The following FBXL14 variants were observed in gnomAD, a reference collection of about 807,000 sequenced individuals.
FBXL14 encodes the protein F-box and leucine rich repeat protein 14.
A neutral mutation model predicts 24.5 loss-of-function variants in FBXL14; 11 were observed. That is an observed-to-expected ratio of 0.45 (90% CI 0.28 to 0.74). The LOEUF is 0.74. Ranked by LOEUF, FBXL14 falls within the 30% of genes least tolerant of loss-of-function variation. FBXL14 has a pLI of 0.12. For missense variants in FBXL14, 384 were observed against 545.6 expected (o/e 0.70, Z 2.95); for synonymous variants, 294 against 240.4 (o/e 1.22, Z -2.06).
At chr12:1,589,272 G>A (rs528569079) in intron 1 of FBXL14, among the ~76,000 whole-genome samples, 99 of 150,512 alleles carry the variant, frequency 6.6e-4, no homozygotes, top group Admixed American at 1.1e-3. Context: ...GGTGGTGTGC[G>A]CCTGTAGTCT....
intron 1 of FBXL14, among the ~76,000 whole-genome samples, chr12:1,573,482 G>A (rs1366146477): frequency 3.9e-5 from 6 of 152,152 alleles, no homozygotes; most frequent in African/African-American, 9.7e-5. Flanking sequence ...AGCCACGCAC[G>A]ACTAGGGGGT....
Position 1,566,634 on chromosome 12 carries a change from C to G in FBXL14, c.*114G>C. Reference sequence around the variant, plus strand: ...GAAGCCCTGGGCAGCAGCCTCTGCCCGAGCAGTGACAGGCAGGGAAACCTG... The same window carrying G: ...GAAGCCCTGGGCAGCAGCCTCTGCCGGAGCAGTGACAGGCAGGGAAACCTG... On this transcript the variant is annotated 3_prime_UTR_variant, in exon 2 of 2. Transcript: ENST00000339235. The G allele has an allele frequency of 1.4e-6, 1 of 730,430 alleles. No individual in the cohort carries two copies. Among genetic ancestry groups the G allele is most frequent in the Admixed American group, 1.9e-5 (1 of 53,750 alleles). The allele number at this position is 730,430 out of a possible 1,614,324, so 45.2% of individuals were successfully genotyped here.
chr12:1,591,568 A>C (rs920317265), intron 1 of FBXL14, among the ~76,000 whole-genome samples: 5 of 152,192 alleles, frequency 3.3e-5, no homozygotes, highest in African/African-American at 1.2e-4. Context: ...TAACAACAAA[A>C]ATCCAACGAA....
chr12:1,582,346 T>C (rs2094468345), intron 1 of FBXL14, among the ~76,000 whole-genome samples: 2 of 152,242 alleles, frequency 1.3e-5, no homozygotes, highest in South Asian at 4.1e-4. Flanking sequence ...GGAGCAGCTT[T>C]AGGAACTGCT....
chr12:1,594,080 C>T lies in FBXL14; in HGVS notation c.-14G>A, dbSNP rs111814721. On this transcript the variant is annotated 5_prime_UTR_variant, in exon 1 of 2. Transcript: ENST00000339235. The stretch of plus-strand genomic sequence containing the variant: ...GTGGGTCTCCATCTTCCTCCTCCCC[C>T]CTCCGCGGCGCTGGGGGGAGGAGGC... 1.1e-4 allele frequency: 153 copies of T among 1,430,648 alleles called. 1 individual carries two copies. In the South Asian group the frequency reaches 1.6e-3, roughly 15 times the overall value. The allele number at this position is 1,430,648 out of a possible 1,614,324, so 88.6% of individuals were successfully genotyped here.
intron 1 of FBXL14, among the ~76,000 whole-genome samples, chr12:1,576,515 C>T (rs538531462): frequency 2.1e-4 from 32 of 152,160 alleles, no homozygotes; most frequent in African/African-American, 6.5e-4. Context: ...CCTCAGTTCC[C>T]GCTCCTTATC....
At chr12:1,591,649 C>T (rs1420767208) in intron 1 of FBXL14, among the ~76,000 whole-genome samples, 1 of 152,154 alleles carries the variant, frequency 6.6e-6, no homozygotes, top group African/African-American at 2.4e-5. Context: ...GAAAGAAAGT[C>T]ATCTATTCCT....
chr12:1,573,135 A>G (rs1388193413), intron 1 of FBXL14, among the ~76,000 whole-genome samples: 4 of 152,118 alleles, frequency 2.6e-5, no homozygotes, highest in Non-Finnish European at 5.9e-5. Flanking sequence ...GTCTGGGCTG[A>G]ATATTTGAGG....
chr12:1,592,413 G>A (rs2094492585), intron 1 of FBXL14, among the ~76,000 whole-genome samples: 2 of 151,960 alleles, frequency 1.3e-5, no homozygotes, highest in Non-Finnish European at 2.9e-5. Context: ...TTTGTAGCTG[G>A]GTTTGCTTTT....
intron 1 of FBXL14, among the ~76,000 whole-genome samples, chr12:1,581,895 C>T (rs1592471765): frequency 6.6e-6 from 1 of 152,126 alleles, no homozygotes. Context: ...GAGGCTGAGG[C>T]GGGTAGATCA....
intron 1 of FBXL14, among the ~76,000 whole-genome samples, chr12:1,588,360 A>G (rs1044368444): frequency 6.6e-6 from 1 of 152,198 alleles, no homozygotes; most frequent in African/African-American, 2.4e-5. Context: ...TTTACATATC[A>G]TATGTCCTTA....
At chr12:1,578,638 CTAAAA>C (rs1224088908) in intron 1 of FBXL14, among the ~76,000 whole-genome samples, 1 of 151,932 alleles carries the variant, frequency 6.6e-6, no homozygotes, top group East Asian at 1.9e-4. Flanking sequence ...GACGCCGTCT[CTAAAA>C]TAAAATAAAA....
chr12:1,572,360 T>TC (rs1261229419), intron 1 of FBXL14, among the ~76,000 whole-genome samples: 2 of 152,376 alleles, frequency 1.3e-5, no homozygotes, highest in East Asian at 3.9e-4. Flanking sequence ...ACTTCTTGGC[T>TC]CCCAAGAGTT....
chr12:1,589,402 A>G (rs1179966117), intron 1 of FBXL14, among the ~76,000 whole-genome samples: 1 of 142,732 alleles, frequency 7.0e-6, no homozygotes, highest in African/African-American at 2.6e-5. Context: ...TGTCTCAAAA[A>G]AAAAAAAAAA....
chr12:1,594,143 A>G lies in FBXL14; in HGVS notation c.-77T>C, dbSNP rs1430599452. The G allele has an allele frequency of 1.7e-6, 2 of 1,184,934 alleles. No homozygotes were observed. The highest frequency in any genetic ancestry group is 6.4e-5 in the East Asian group (2 of 31,428). The allele number at this position is 1,184,934 out of a possible 1,614,324, so 73.4% of individuals were successfully genotyped here. A position where few individuals can be genotyped will look rare whatever the true frequency, so the allele number is the denominator to read the frequency against. On this transcript the variant is annotated 5_prime_UTR_variant, in exon 1 of 2. Coordinates refer to ENST00000339235, the MANE Select transcript of FBXL14 (RefSeq NM_152441.3). ...GCTCCGGCCTCGGGCAGGCGACGAG[A>G]GCGCTTCTCCCCAGCCGCCGCCGCC...
In FBXL14 at chr12:1,568,730, G is replaced by A. The variant is rs577149722; in HGVS notation, c.1195-1920C>T. ...ACAAAAATTAGCCTGGCGTGGTGGCGGGCGCCTGTAATCCCAGCTACTCGC... is the reference window on the plus strand; with the variant it reads ...ACAAAAATTAGCCTGGCGTGGTGGCAGGCGCCTGTAATCCCAGCTACTCGC... On this transcript the variant is annotated intron_variant, in intron 1 of 1. Coordinates refer to ENST00000339235, the MANE Select transcript of FBXL14 (RefSeq NM_152441.3). 1.5e-4 allele frequency among the ~76,000 whole-genome samples: 23 copies of A among 152,152 alleles called. No homozygotes were observed. The South Asian group carries it at 4.2e-3, about 28-fold the overall frequency.
In FBXL14 at chr12:1,584,712, T is replaced by G. The variant is rs768800093; in HGVS notation, c.1194+8161A>C. Among the ~76,000 whole-genome samples, 275 of 152,376 alleles carry G rather than the reference T, an allele frequency of 1.8e-3. 7 individuals are homozygous for G. Among genetic ancestry groups the G allele is most frequent in the Non-Finnish European group, 1.9e-3 (132 of 68,032 alleles). ...TAACCATCCTGCTTTTACAGATTCCTGAAAACTGGCTAAATTCTGTGCATC... is the reference window on the plus strand; with the variant it reads ...TAACCATCCTGCTTTTACAGATTCCGGAAAACTGGCTAAATTCTGTGCATC... On this transcript the variant is annotated intron_variant, in intron 1 of 1. Transcript: ENST00000339235.
At chr12:1,589,818 A>G (rs1018867488) in intron 1 of FBXL14, among the ~76,000 whole-genome samples, 1 of 152,248 alleles carries the variant, frequency 6.6e-6, no homozygotes, top group Non-Finnish European at 1.5e-5. Context: ...AGCTAGACCC[A>G]TGGTCGTAAC....
upstream of FBXL14, among the ~76,000 whole-genome samples, chr12:1,594,741 C>A (rs2094498281): frequency 1.3e-5 from 2 of 150,004 alleles, no homozygotes; most frequent in African/African-American, 4.9e-5. Context: ...CCGGCCGGAG[C>A]GCGGCTCGGC....
Sources: allele counts gnomAD v4.1 joint callset (sites outside exome capture counted in the v4.1 genomes callset), GRCh38; gene constraint gnomAD v4.1.1; transcripts MANE v1.5; gene names NCBI Gene and HGNC (gene_info 2026-07-23, HGNC 2026-07-21).